Variants in RBFOX1 observed in about 807,000 individuals in gnomAD.
RBFOX1 encodes RNA binding fox-1 homolog 1, also known as RNA binding protein fox-1 homolog 1.
RBFOX1 carries 8 observed loss-of-function variants against 57.7 expected under a neutral mutation model. That is an observed-to-expected ratio of 0.14 (90% confidence interval 0.08 to 0.25). The LOEUF (loss-of-function observed/expected upper bound fraction) is 0.25, where lower values mean the gene tolerates loss of function less well. Ranked by LOEUF, RBFOX1 falls within the 10% of genes least tolerant of loss-of-function variation. RBFOX1 has a pLI of 1.00. For synonymous variants in RBFOX1, 326 were observed against 222.4 expected (o/e 1.47, Z -4.15); for missense variants, 611 against 548.5 (o/e 1.11, Z -1.14).
At chr16:5,564,332 T>C (rs2045987939) in intron 2 of RBFOX1, among the ~76,000 whole-genome samples, 1 of 152,166 alleles carries the variant, frequency 6.6e-6, no homozygotes, top group Admixed American at 6.5e-5. Flanking sequence ...AGAGAGTTTC[T>C]TTACTCTTCT....
At chr16:7,504,818 TAGTGAC>T (rs2072666815) in intron 4 of RBFOX1, among the ~76,000 whole-genome samples, 1 of 125,044 alleles carries the variant, frequency 8.0e-6, no homozygotes, top group Non-Finnish European at 1.5e-5. Context: ...TATATATATA[TAGTGAC>T]TAACATTGTC....
At chr16:7,160,935 C>G (rs979636079) in intron 4 of RBFOX1, among the ~76,000 whole-genome samples, 1 of 152,026 alleles carries the variant, frequency 6.6e-6, no homozygotes, top group African/African-American at 2.4e-5. Flanking sequence ...TTATGTGTAG[C>G]TAATACCACA....
At position 6,450,818 on chromosome 16, in the gene RBFOX1, C is replaced by CACAT. The variant is rs2094590863; in HGVS notation, c.-64+133762_-64+133763insCATA. ...ATATATATGTATATATATATATATA[C>CACAT]ATATATATATATATATATGTGTATA... On this transcript the variant is annotated intron_variant, in intron 2 of 15. Transcript: ENST00000550418. Among the ~76,000 whole-genome samples the CACAT allele has an allele frequency of 8.5e-4, 15 of 17,716 alleles. 2 individuals are homozygous for CACAT. Among genetic ancestry groups the CACAT allele is most frequent in the Admixed American group, 3.3e-3 (3 of 902 alleles). The allele number at this position is 17,716 out of a possible 152,430, so 11.6% of individuals were successfully genotyped here.
At chr16:5,571,607 T>C (rs897546954) in intron 2 of RBFOX1, among the ~76,000 whole-genome samples, 1 of 152,138 alleles carries the variant, frequency 6.6e-6, no homozygotes, top group Admixed American at 6.5e-5. Flanking sequence ...CTGAGTGCAG[T>C]CACTTCCTGG....
In RBFOX1 at chr16:6,729,282, A is replaced by G. The variant is rs117153735; in HGVS notation, c.-16+74632A>G. Among the ~76,000 whole-genome samples, 722 of 152,282 alleles carry G rather than the reference A, an allele frequency of 4.7e-3. 3 individuals carry two copies. Among genetic ancestry groups the G allele is most frequent in the Non-Finnish European group, 7.7e-3 (523 of 68,014 alleles). On this transcript the variant is annotated intron_variant, in intron 3 of 15. Coordinates refer to ENST00000550418, the MANE Select transcript of RBFOX1 (RefSeq NM_018723.4). ...ATTTACTTGAGATTGGGACCTGACG[A>G]TCAAGATTTGTTTAGAAGCTCCTCA...
intron 3 of RBFOX1, among the ~76,000 whole-genome samples, chr16:5,625,848 G>C (rs140814314): frequency 0.012 from 1,738 of 149,614 alleles, 21 homozygotes; most frequent in Admixed American, 0.017. Flanking sequence ...GTGAGCCACC[G>C]TGTCCAGCCC....
intron 4 of RBFOX1, among the ~76,000 whole-genome samples, chr16:7,390,431 AGTTTCAGTTGCAGGG>A (rs2097983080): frequency 6.6e-6 from 1 of 152,334 alleles, no homozygotes; most frequent in African/African-American, 2.4e-5. Flanking sequence ...CTTGGGTTTA[AGTTTCAGTTGCAGGG>A]ACCTTACTCA....
intron 1 of RBFOX1, among the ~76,000 whole-genome samples, chr16:6,163,280 A>G (rs2096892897): frequency 6.6e-6 from 1 of 152,212 alleles, no homozygotes; most frequent in Non-Finnish European, 1.5e-5. Flanking sequence ...GGGGAGGTAA[A>G]GACCAGAGAA....
intron 1 of RBFOX1, among the ~76,000 whole-genome samples, chr16:5,362,695 A>G (rs2065588414): frequency 6.7e-6 from 1 of 149,846 alleles, no homozygotes; most frequent in Non-Finnish European, 1.5e-5. Flanking sequence ...TTGAATAGCA[A>G]CTCCCCACCC....
intron 4 of RBFOX1, among the ~76,000 whole-genome samples, chr16:7,387,247 T>C (rs1301589842): frequency 6.6e-6 from 1 of 152,178 alleles, no homozygotes; most frequent in African/African-American, 2.4e-5. Context: ...TGCATTATCT[T>C]GCTAAATTAG....
intron 2 of RBFOX1, among the ~76,000 whole-genome samples, chr16:5,476,834 C>T (rs1597222823): frequency 6.6e-6 from 1 of 152,272 alleles, no homozygotes; most frequent in East Asian, 1.9e-4. Context: ...TGGCTAGAGT[C>T]TTGCGTCTTC....
rs527252697 is a variant in RBFOX1 at position 5,966,925 on chromosome 16, A to G, written c.351+99590A>G. Among the ~76,000 whole-genome samples, 7 of 130,958 alleles carry G rather than the reference A, an allele frequency of 5.3e-5. No homozygotes were observed. In the South Asian group the frequency reaches 1.8e-3, roughly 33 times the overall value. The allele number at this position is 130,958 out of a possible 152,430, so 85.9% of individuals were successfully genotyped here. On this transcript the variant is annotated intron_variant, in intron 4 of 19. Transcript: ENST00000641259. ...CCTTTGTTCTGATTCAAATCACTGA[A>G]GATTTATTTTCTCCAGTCTAACACT...
At chr16:5,856,284 TACACAC>T (rs57736862) in intron 3 of RBFOX1, among the ~76,000 whole-genome samples, 1,017 of 86,292 alleles carry the variant, frequency 0.012, 75 homozygotes, top group African/African-American at 0.018. Flanking sequence ...CACATATATA[TACACAC>T]ACACACACAC....
At chr16:6,721,086 C>G (rs761028238) in intron 3 of RBFOX1, among the ~76,000 whole-genome samples, 150 of 152,234 alleles carry the variant, frequency 9.9e-4, no homozygotes, top group Non-Finnish European at 2.0e-3. Context: ...TCTGATAGCT[C>G]AGTGTTTGCT....
intron 4 of RBFOX1, among the ~76,000 whole-genome samples, chr16:7,357,727 G>A (rs1336562929): frequency 1.3e-5 from 2 of 152,136 alleles, no homozygotes; most frequent in Non-Finnish European, 2.9e-5. Context: ...AGGAGACCAG[G>A]CTAGTGGAGG....
intron 4 of RBFOX1, among the ~76,000 whole-genome samples, chr16:5,891,194 C>A (rs2058037344): frequency 7.3e-6 from 1 of 137,480 alleles, no homozygotes; most frequent in Non-Finnish European, 1.6e-5. Flanking sequence ...AAGTGTAAAC[C>A]CCCTCCTCTC....
chr16:7,532,361 A>G (rs776470906), intron 5 of RBFOX1, among the ~76,000 whole-genome samples: 1 of 152,106 alleles, frequency 6.6e-6, no homozygotes, highest in Non-Finnish European at 1.5e-5. Context: ...AGCCCCAGAG[A>G]GTTTCTGTGA....
intron 1 of RBFOX1, among the ~76,000 whole-genome samples, chr16:5,305,744 C>T (rs567960676): frequency 2.0e-5 from 3 of 152,080 alleles, no homozygotes; most frequent in South Asian, 4.1e-4. Flanking sequence ...TTTTAAACAG[C>T]GAATTATACT....
intron 1 of RBFOX1, chr16:5,270,743 A>C (rs1422616058): frequency 2.1e-6 from 1 of 478,286 alleles, no homozygotes; most frequent in Non-Finnish European, 3.9e-6. Flanking sequence ...TTGATACCAG[A>C]TAACATCGGA....
Sources: allele counts gnomAD v4.1 joint callset (sites outside exome capture counted in the v4.1 genomes callset), GRCh38; gene constraint gnomAD v4.1.1; transcripts MANE v1.5; gene names NCBI Gene and HGNC (gene_info 2026-07-23, HGNC 2026-07-21).